Variants in SGCZ observed in about 807,000 individuals in gnomAD.
The protein encoded by SGCZ is zeta-sarcoglycan.
Under a neutral mutation model 41.3 loss-of-function variants are expected in SGCZ, and 40 were observed. The ratio of observed to expected loss-of-function variants is 0.97; its 90% CI spans 0.75 to 1.26. The LOEUF (loss-of-function observed/expected upper bound fraction) is 1.26. Ranked by LOEUF, SGCZ falls within the 50% of genes most tolerant of loss-of-function variation. The probability of loss-of-function intolerance (pLI) is 0.00; values close to 1 mark genes in which losing one functional copy is unlikely to be tolerated. For missense variants in SGCZ, 552 were observed against 369.8 expected, an observed-to-expected ratio of 1.49 and a Z score of -4.04; for synonymous variants, 206 against 137.5, an observed-to-expected ratio of 1.50 and a Z score of -3.49.
intron 1 of SGCZ, among the ~76,000 whole-genome samples, chr8:14,633,152 T>C (rs1410879572): frequency 1.3e-5 from 2 of 152,028 alleles, no homozygotes; most frequent in Non-Finnish European, 2.9e-5. Context: ...CATTAGCATG[T>C]CATGAATAAA....
intron 1 of SGCZ, among the ~76,000 whole-genome samples, chr8:15,093,854 T>C (rs1806238876): frequency 6.6e-6 from 1 of 152,204 alleles, no homozygotes; most frequent in Non-Finnish European, 1.5e-5. Flanking sequence ...TTTTTATATA[T>C]GAGTGTCCAC....
At chr8:14,476,294 A>G (rs977381746) in intron 2 of SGCZ, among the ~76,000 whole-genome samples, 12 of 152,126 alleles carry the variant, frequency 7.9e-5, no homozygotes, top group South Asian at 2.1e-4. Context: ...CCAAGAGAAC[A>G]AAAAGCAGAA....
chr8:15,107,766 C>T (rs892428331), intron 1 of SGCZ, among the ~76,000 whole-genome samples: 1 of 152,204 alleles, frequency 6.6e-6, no homozygotes, highest in African/African-American at 2.4e-5. Context: ...GAGTTCACTT[C>T]TGAAATCATT....
intron 1 of SGCZ, among the ~76,000 whole-genome samples, chr8:15,206,377 A>G (rs1050000001): frequency 1.3e-5 from 2 of 152,008 alleles, no homozygotes; most frequent in African/African-American, 4.8e-5. Flanking sequence ...GACTTACCCA[A>G]TTAGGCTGCA....
chr8:14,573,343 G>A (rs985474872), intron 1 of SGCZ, among the ~76,000 whole-genome samples: 11 of 151,440 alleles, frequency 7.3e-5, no homozygotes, highest in African/African-American at 1.4e-4. Flanking sequence ...GACTACAGGA[G>A]CCCTCCATCG....
At chr8:15,055,870 T>C (rs1466290647) in intron 1 of SGCZ, among the ~76,000 whole-genome samples, 1 of 152,200 alleles carries the variant, frequency 6.6e-6, no homozygotes, top group Non-Finnish European at 1.5e-5. Context: ...CTGCTCCACC[T>C]GCCTGAAAGT....
At chr8:14,767,955 G>T (rs935551931) in intron 1 of SGCZ, among the ~76,000 whole-genome samples, 5 of 152,174 alleles carry the variant, frequency 3.3e-5, no homozygotes, top group Admixed American at 1.3e-4. Flanking sequence ...ACAGAATCTT[G>T]AGTAAGAAAA....
intron 1 of SGCZ, among the ~76,000 whole-genome samples, chr8:15,192,135 CA>C (rs1229721089): frequency 1.3e-5 from 2 of 151,992 alleles, no homozygotes; most frequent in Non-Finnish European, 2.9e-5. Context: ...ATTCTTACAC[CA>C]AAATACTATT....
intron 1 of SGCZ, among the ~76,000 whole-genome samples, chr8:14,703,896 T>C (rs942157528): frequency 1.5e-4 from 23 of 152,046 alleles, no homozygotes; most frequent in Admixed American, 1.4e-3. Context: ...GAATTTGTTA[T>C]GGTGGCTCTG....
chr8:14,572,430 A>G (rs1804582248), intron 1 of SGCZ, among the ~76,000 whole-genome samples: 1 of 152,192 alleles, frequency 6.6e-6, no homozygotes, highest in Non-Finnish European at 1.5e-5. Context: ...CAAACAATCA[A>G]ATGAGATTAC....
intron 3 of SGCZ, among the ~76,000 whole-genome samples, chr8:14,262,546 A>G (rs1419604451): frequency 6.6e-6 from 1 of 152,012 alleles, no homozygotes; most frequent in Non-Finnish European, 1.5e-5. Flanking sequence ...TCAGTTCTGC[A>G]AAAGTATCCT....
intron 4 of SGCZ, among the ~76,000 whole-genome samples, chr8:14,209,728 G>A (rs1204665003): frequency 6.6e-6 from 1 of 151,902 alleles, no homozygotes; most frequent in Non-Finnish European, 1.5e-5. Context: ...GAAAAAACTG[G>A]ATATGTATAT....
chr8:14,357,115 A>G (rs1384103087), intron 2 of SGCZ, among the ~76,000 whole-genome samples: 2 of 152,134 alleles, frequency 1.3e-5, no homozygotes, highest in Non-Finnish European at 1.5e-5. Flanking sequence ...TGAATAAAAT[A>G]CTAAGGACCT....
At chr8:14,512,212 T>C (rs756516131) in intron 2 of SGCZ, among the ~76,000 whole-genome samples, 7 of 152,116 alleles carry the variant, frequency 4.6e-5, no homozygotes, top group Non-Finnish European at 5.9e-5. Flanking sequence ...TGGTGGGCCT[T>C]AAAAGGAAGA....
intron 1 of SGCZ, among the ~76,000 whole-genome samples, chr8:14,931,469 T>C (rs997599469): frequency 3.3e-5 from 5 of 152,052 alleles, no homozygotes; most frequent in Non-Finnish European, 5.9e-5. Context: ...CATCTGTACA[T>C]TATTTCAATT....
At chr8:14,723,079 A>G (rs1312170319) in intron 1 of SGCZ, among the ~76,000 whole-genome samples, 5 of 152,288 alleles carry the variant, frequency 3.3e-5, no homozygotes, top group East Asian at 1.9e-4. Flanking sequence ...TTCAAAAGAA[A>G]TGCACAAATA....
intron 3 of SGCZ, among the ~76,000 whole-genome samples, chr8:14,252,856 C>T (rs1039901076): frequency 1.3e-5 from 2 of 152,184 alleles, no homozygotes; most frequent in East Asian, 1.9e-4. Context: ...TTTTCAACTC[C>T]CTGTTTCTGA....
intron 1 of SGCZ, among the ~76,000 whole-genome samples, chr8:14,630,903 G>C (rs560313780): frequency 2.6e-5 from 4 of 151,392 alleles, no homozygotes; most frequent in Admixed American, 1.3e-4. Flanking sequence ...GATAGCATTA[G>C]GAGATATACC....
At chr8:14,469,638 G>A (rs184062458) in intron 2 of SGCZ, among the ~76,000 whole-genome samples, 16 of 151,990 alleles carry the variant, frequency 1.1e-4, no homozygotes, top group African/African-American at 3.9e-4. Context: ...GATGGGACTT[G>A]TCACCAGAAA....
Sources: allele counts gnomAD v4.1 joint callset (sites outside exome capture counted in the v4.1 genomes callset), GRCh38; gene constraint gnomAD v4.1.1; transcripts MANE v1.5; gene names NCBI Gene and HGNC (gene_info 2026-07-23, HGNC 2026-07-21).